Variants in MAPK14 observed in about 807,000 individuals in gnomAD.
The protein encoded by MAPK14 is CSAID-binding protein.
MAPK14 carries 16 observed loss-of-function variants against 49.6 expected under a neutral mutation model. That is an observed-to-expected ratio of 0.32 (90% CI 0.22 to 0.49). The LOEUF is 0.49. MAPK14 is among the 20% of genes least tolerant of loss of function. The pLI, the probability that MAPK14 is intolerant of heterozygous loss-of-function variation, is 0.99. For missense variants in MAPK14, 200 were observed against 441.2 expected (o/e 0.45, Z 4.90); for synonymous variants, 142 against 158.0 (o/e 0.90, Z 0.76).
chr6:36,070,472 A>C lies in MAPK14; in HGVS notation c.306-2401A>C, dbSNP rs1764226257. On this transcript the variant is annotated intron_variant, in intron 3 of 11. Coordinates refer to ENST00000229794, the MANE Select transcript of MAPK14 (RefSeq NM_139012.3). ...AGAGTACATGAGACATAATGAGTAC[A>C]TGGACATAATAAACTGCTTGCTGCA... Among the ~76,000 whole-genome samples the C allele has an allele frequency of 2.0e-5, 3 of 152,212 alleles. No homozygotes were observed. The South Asian group carries it at 6.2e-4, about 32-fold the overall frequency.
chr6:36,100,702 A>G (rs970750412), intron 9 of MAPK14, among the ~76,000 whole-genome samples: 1 of 152,220 alleles, frequency 6.6e-6, no homozygotes, highest in South Asian at 2.1e-4. Flanking sequence ...AATATGTACT[A>G]TATTTAAAAG....
intron 1 of MAPK14, among the ~76,000 whole-genome samples, chr6:36,043,549 A>C (rs183033164): frequency 6.6e-6 from 1 of 152,330 alleles, no homozygotes; most frequent in East Asian, 1.9e-4. Context: ...TCTGTAATAG[A>C]ATGTAACATG....
downstream of MAPK14, among the ~76,000 whole-genome samples, chr6:36,113,249 G>A (rs1766005698): frequency 1.3e-5 from 2 of 151,258 alleles, no homozygotes; most frequent in Admixed American, 1.3e-4. Context: ...GGCTGAGGTG[G>A]GAGGATCTCT....
the MAPK14 span, among the ~76,000 whole-genome samples, chr6:36,120,733 G>A: frequency 2.0e-5 from 3 of 152,286 alleles, no homozygotes; most frequent in South Asian, 4.1e-4. Flanking sequence ...CCCACCTGCC[G>A]ACGACAGTGT....
intron 9 of MAPK14, chr6:36,097,663 G>A (rs766860273): frequency 2.0e-5 from 3 of 152,044 alleles, no homozygotes; most frequent in Non-Finnish European, 4.4e-5. Context: ...CTATAGATAC[G>A]TGCTATTAGT....
intron 9 of MAPK14, among the ~76,000 whole-genome samples, chr6:36,098,346 T>C (rs1765517874): frequency 6.6e-6 from 1 of 152,170 alleles, no homozygotes; most frequent in South Asian, 2.1e-4. Context: ...GTATCTATAA[T>C]AATCAGTGAA....
At chr6:36,058,856 T>C (rs1207785786) in intron 2 of MAPK14, among the ~76,000 whole-genome samples, 1 of 151,312 alleles carries the variant, frequency 6.6e-6, no homozygotes, top group Non-Finnish European at 1.5e-5. Context: ...TACTCTAGCT[T>C]GTGTGTCAAG....
intron 1 of MAPK14, among the ~76,000 whole-genome samples, chr6:36,041,787 T>C (rs1440141434): frequency 1.3e-5 from 2 of 152,264 alleles, no homozygotes; most frequent in Non-Finnish European, 2.9e-5. Flanking sequence ...TTGATGCTTA[T>C]ATTTTAGATT....
chr6:36,072,217 A>G (rs1764329389), intron 3 of MAPK14, among the ~76,000 whole-genome samples: 2 of 152,090 alleles, frequency 1.3e-5, no homozygotes, highest in African/African-American at 4.8e-5. Context: ...GCACACCTTT[A>G]GTCCTAGCTA....
chr6:36,057,723 A>T (rs958318109), intron 2 of MAPK14, among the ~76,000 whole-genome samples: 1 of 146,188 alleles, frequency 6.8e-6, no homozygotes, highest in Non-Finnish European at 1.5e-5. Context: ...TGTCTCAAAG[A>T]AAAAAAAAAA....
chr6:36,103,322 A>ATTAT (rs10696038), intron 10 of MAPK14, among the ~76,000 whole-genome samples: 66,319 of 147,268 alleles, frequency 0.45, 15,732 homozygotes, highest in South Asian at 0.57. Flanking sequence ...CTTTATTATT[A>ATTAT]TTATTTATTT....
intron 9 of MAPK14, among the ~76,000 whole-genome samples, chr6:36,101,132 C>G (rs1001579165): frequency 1.3e-5 from 2 of 152,196 alleles, no homozygotes; most frequent in African/African-American, 4.8e-5. Flanking sequence ...CCTCCTGACT[C>G]CACATGCAAT....
At chr6:36,087,348 G>A (rs1100857) in intron 8 of MAPK14, among the ~76,000 whole-genome samples, 134,599 of 152,240 alleles carry the variant, frequency 0.88, 59,648 homozygotes, top group East Asian at 1. Flanking sequence ...GTAAAACTCT[G>A]TTTGCAGGTG....
At chr6:36,052,948 C>G (rs1763460277) in intron 2 of MAPK14, 120 bp downstream of exon 2, 1 of 709,924 alleles carries the variant, frequency 1.4e-6, no homozygotes, top group Non-Finnish European at 2.1e-6. Context: ...TGCTCCTTGT[C>G]CTGGGGTGTT....
chr6:36,059,414 C>T lies in MAPK14; in HGVS notation c.305+67C>T, dbSNP rs558885376. The T allele has an allele frequency of 4.4e-6, 5 of 1,144,062 alleles. No homozygotes were observed. The East Asian group carries it at 7.0e-5, about 16-fold the overall frequency. 70.9% of individuals were successfully genotyped at this position (1,144,062 alleles called of 1,614,324 possible). A position where few individuals can be genotyped will look rare whatever the true frequency, so the allele number is the denominator to read the frequency against. ...GAAGACTAATAGCCCATTTCTATTC[C>T]TGAACCATTTAGCAACATATAGACT... On this transcript the variant is annotated intron_variant, in intron 3 of 11. Coordinates refer to ENST00000229794, the MANE Select transcript of MAPK14 (RefSeq NM_139012.3).
chr6:36,051,541 C>T (rs1763397626), intron 1 of MAPK14, among the ~76,000 whole-genome samples: 1 of 152,202 alleles, frequency 6.6e-6, no homozygotes, highest in Non-Finnish European at 1.5e-5. Flanking sequence ...CCCACACAGC[C>T]TTTCTGTCTT....
intron 1 of MAPK14, among the ~76,000 whole-genome samples, chr6:36,036,417 C>T (rs1762753450): frequency 6.6e-6 from 1 of 152,190 alleles, no homozygotes; most frequent in African/African-American, 2.4e-5. Flanking sequence ...GTTGATAAAG[C>T]AGCAGCAAGG....
At chr6:36,052,385 A>G (rs1763435484) in intron 1 of MAPK14, among the ~76,000 whole-genome samples, 1 of 152,224 alleles carries the variant, frequency 6.6e-6, no homozygotes, top group Admixed American at 6.5e-5. Flanking sequence ...CTTTCCTCAT[A>G]CAACCACAGA....
At position 36,051,942 on chromosome 6, in the gene MAPK14, T is replaced by G. The variant is rs1366679940; in HGVS notation, c.117-757T>G. 2.0e-5 allele frequency among the ~76,000 whole-genome samples: 3 copies of G among 152,124 alleles called. No individual in the cohort carries two copies. In the East Asian group the frequency reaches 5.8e-4, roughly 29 times the overall value. ...TTCTTATATATTTATATAGGGAATT[T>G]AATCATTATATTGTTTCCTTCTCAG... On this transcript the variant is annotated intron_variant, in intron 1 of 11. Transcript: ENST00000229794.
Sources: allele counts gnomAD v4.1 joint callset (sites outside exome capture counted in the v4.1 genomes callset), GRCh38; gene constraint gnomAD v4.1.1; transcripts MANE v1.5; gene names NCBI Gene and HGNC (gene_info 2026-07-23, HGNC 2026-07-21).